ZNF469: variants seen among roughly 807,000 people sequenced by gnomAD.
The protein encoded by ZNF469 is zinc finger protein 469.
In ZNF469, 1 loss-of-function variant was observed where a neutral mutation model predicts 1.0. The observed-to-expected ratio is 1.00, with a 90% CI of 0.35 to 4.73. ZNF469 has a LOEUF of 4.73. Among genes scored for constraint, ZNF469 ranks in the 30% most tolerant of loss-of-function variants. ZNF469 has a pLI of 0.16. For synonymous variants in ZNF469, 2,703 were observed against 2,363.4 expected (o/e 1.14, Z -4.17); for missense variants, 6,100 against 5,356.3 (o/e 1.14, Z -4.33).
At chr16:88,417,174 C>T (rs1408040112) in intron 1 of ZNF469, among the ~76,000 whole-genome samples, 3 of 149,132 alleles carry the variant, frequency 2.0e-5, no homozygotes, top group African/African-American at 4.9e-5. Flanking sequence ...CTGCCCAGAG[C>T]GTCGCTGCAA....
the ZNF469 span, among the ~76,000 whole-genome samples, chr16:88,323,516 G>C: frequency 6.6e-6 from 1 of 152,204 alleles, no homozygotes; most frequent in African/African-American, 2.4e-5. Flanking sequence ...TCTCTGTGGG[G>C]TGAGAGGGCC....
the ZNF469 span, among the ~76,000 whole-genome samples, chr16:88,200,384 G>A: frequency 1.3e-5 from 2 of 152,180 alleles, no homozygotes; most frequent in African/African-American, 2.4e-5. Context: ...GAAACCACAC[G>A]CTCCAATGCT....
the ZNF469 span, among the ~76,000 whole-genome samples, chr16:88,147,528 G>A: frequency 6.6e-6 from 1 of 152,000 alleles, no homozygotes; most frequent in Non-Finnish European, 1.5e-5. Context: ...AGAGATTCTG[G>A]TCGGTGCTGG....
At chr16:88,377,680 CCCT>C in the ZNF469 span, among the ~76,000 whole-genome samples, 151 of 152,198 alleles carry the variant, frequency 9.9e-4, 1 homozygote, top group East Asian at 0.022. Flanking sequence ...TCCTCTATCT[CCCT>C]CCTCCAGCCC....
intron 1 of ZNF469, among the ~76,000 whole-genome samples, chr16:88,423,630 C>T (rs150904004): frequency 7.9e-5 from 12 of 152,198 alleles, no homozygotes; most frequent in South Asian, 2.1e-4. Flanking sequence ...CACAAGGTTG[C>T]GGTCAGAATG....
the ZNF469 span, among the ~76,000 whole-genome samples, chr16:88,102,279 G>T: frequency 9.8e-5 from 15 of 152,318 alleles, no homozygotes; most frequent in Admixed American, 9.8e-4. Flanking sequence ...CACTTTGGGA[G>T]GCCAAGGCGG....
the ZNF469 span, among the ~76,000 whole-genome samples, chr16:88,299,819 C>A: frequency 6.6e-6 from 1 of 152,202 alleles, no homozygotes; most frequent in African/African-American, 2.4e-5. Flanking sequence ...TGACCCTGAG[C>A]AGGATGGACT....
chr16:88,198,494 G>A, the ZNF469 span, among the ~76,000 whole-genome samples: 2 of 152,218 alleles, frequency 1.3e-5, no homozygotes, highest in East Asian at 1.9e-4. Context: ...CGTGACTGTC[G>A]AGCTCTGGAA....
chr16:88,251,380 A>G, the ZNF469 span, among the ~76,000 whole-genome samples: 1 of 152,060 alleles, frequency 6.6e-6, no homozygotes, highest in African/African-American at 2.4e-5. Context: ...GTGTCAGGTA[A>G]TCTACATGTA....
the ZNF469 span, among the ~76,000 whole-genome samples, chr16:88,236,605 G>A: frequency 4.9e-3 from 739 of 152,334 alleles, 1 homozygote; most frequent in African/African-American, 0.017. Flanking sequence ...GGTATCTCAC[G>A]CCTGTAATCC....
chr16:88,264,476 A>G, the ZNF469 span, among the ~76,000 whole-genome samples: 7 of 93,056 alleles, frequency 7.5e-5, no homozygotes, highest in African/African-American at 2.9e-4. Context: ...CTCTGCCCCC[A>G]CCCCAGCCTC....
At chr16:88,249,240 A>G in the ZNF469 span, among the ~76,000 whole-genome samples, 3 of 151,314 alleles carry the variant, frequency 2.0e-5, no homozygotes, top group Non-Finnish European at 4.4e-5. Flanking sequence ...AAAAAAAAGA[A>G]AGAAAGAAAT....
At chr16:88,298,602 A>G in the ZNF469 span, among the ~76,000 whole-genome samples, 7 of 152,164 alleles carry the variant, frequency 4.6e-5, no homozygotes, top group Non-Finnish European at 8.8e-5. Flanking sequence ...TACTCTTAAA[A>G]TATTTCAGAT....
the ZNF469 span, among the ~76,000 whole-genome samples, chr16:88,109,781 G>A: frequency 7.2e-6 from 1 of 139,234 alleles, no homozygotes; most frequent in Non-Finnish European, 1.6e-5. Context: ...AGGAGGTGCT[G>A]TGCGTCTGTG....
chr16:88,401,057 C>A (rs1316980879), intron 1 of ZNF469, among the ~76,000 whole-genome samples: 2 of 152,124 alleles, frequency 1.3e-5, no homozygotes, highest in Non-Finnish European at 2.9e-5. Flanking sequence ...CCAGCCCCTC[C>A]CTGACCCTGG....
At chr16:88,397,875 C>G (rs779536514) in intron 1 of ZNF469, among the ~76,000 whole-genome samples, 1 of 152,136 alleles carries the variant, frequency 6.6e-6, no homozygotes, top group Non-Finnish European at 1.5e-5. Flanking sequence ...CAGTCGAGGT[C>G]AAGAGAGGAA....
the ZNF469 span, among the ~76,000 whole-genome samples, chr16:88,323,556 G>A: frequency 2.0e-5 from 3 of 152,214 alleles, no homozygotes; most frequent in Admixed American, 2.0e-4. Context: ...CTCACTATTG[G>A]AAATGGTCCC....
Position 88,383,114 on chromosome 16 carries a change from G to A in ZNF469, c.-332G>A, listed in dbSNP as rs900765154. ...GGCGCAGCGCGCGGCAGAGCGGCTC[G>A]GTGCCCGGCGGGCGGGCGGCCCGGG... On this transcript the variant is annotated 5_prime_UTR_variant, in exon 1 of 3. Coordinates refer to ENST00000565624, the MANE Select transcript of ZNF469 (RefSeq NM_001367624.2). 2.7e-5 allele frequency among the ~76,000 whole-genome samples: 4 copies of A among 149,474 alleles called. No individual in the cohort carries two copies. Among genetic ancestry groups the A allele is most frequent in the African/African-American group, 9.7e-5 (4 of 41,152 alleles).
the ZNF469 span, among the ~76,000 whole-genome samples, chr16:88,163,998 T>C: frequency 2.1e-5 from 3 of 144,926 alleles, no homozygotes; most frequent in South Asian, 2.2e-4. Flanking sequence ...GATGGGTGGG[T>C]AGATATATGG....
Sources: gnomAD v4.1 joint callset for allele counts (sites outside exome capture counted in the v4.1 genomes callset) on GRCh38, gnomAD v4.1.1 for gene constraint, MANE v1.5 for transcripts, NCBI Gene and HGNC (gene_info 2026-07-23, HGNC 2026-07-21) for gene names.